Variants in FREM2 observed in about 807,000 individuals in gnomAD.
FREM2 encodes FRAS1 related extracellular matrix 2.
FREM2 carries 119 observed loss-of-function variants against 219.9 expected under a neutral mutation model. That is an observed-to-expected ratio of 0.54 (90% CI 0.47 to 0.63). FREM2 has a LOEUF of 0.63. Ranked by LOEUF, FREM2 falls within the 30% of genes least tolerant of loss-of-function variation. The probability of loss-of-function intolerance (pLI) is 0.00; values close to 1 mark genes in which losing one functional copy is unlikely to be tolerated. For synonymous variants in FREM2, 1,562 were observed against 1,522.8 expected, an observed-to-expected ratio of 1.03 and a Z score of -0.60; for missense variants, 4,030 against 3,993.6, an observed-to-expected ratio of 1.01 and a Z score of -0.25.
At chr13:38,858,608 G>A (rs1877646220) in intron 13 of FREM2, among the ~76,000 whole-genome samples, 1 of 152,134 alleles carries the variant, frequency 6.6e-6, no homozygotes, top group South Asian at 2.1e-4. Context: ...AGCTCCTTGT[G>A]AGCTAAAATT....
intron 2 of FREM2, among the ~76,000 whole-genome samples, chr13:38,734,706 A>G (rs1372227417): frequency 1.3e-5 from 2 of 151,854 alleles, no homozygotes; most frequent in Non-Finnish European, 2.9e-5. Flanking sequence ...TTCCTAAATG[A>G]AAATATTAGT....
chr13:38,841,228 G>A (rs556506950), intron 6 of FREM2, among the ~76,000 whole-genome samples: 1 of 152,334 alleles, frequency 6.6e-6, no homozygotes, highest in Admixed American at 6.5e-5. Context: ...AGTTACCAGT[G>A]TTAAAGACGC....
At chr13:38,878,704 T>C (rs1878438269) in intron 22 of FREM2, 127 bp from the exon 23 acceptor site, 1 of 1,013,952 alleles carries the variant, frequency 9.9e-7, no homozygotes, top group African/African-American at 1.6e-5. Flanking sequence ...AATGATCATT[T>C]TTAGTAAACC....
chr13:38,722,450 C>G (rs540555920), intron 2 of FREM2, among the ~76,000 whole-genome samples: 4 of 151,950 alleles, frequency 2.6e-5, no homozygotes, highest in Admixed American at 6.6e-5. Flanking sequence ...GAGAGTAAAT[C>G]CTTAATCCTG....
At chr13:38,743,246 T>A (rs1416203734) in intron 2 of FREM2, among the ~76,000 whole-genome samples, 1 of 152,132 alleles carries the variant, frequency 6.6e-6, no homozygotes, top group Non-Finnish European at 1.5e-5. Context: ...GTTTTTCTCA[T>A]TCTGTATAGT....
intron 4 of FREM2, among the ~76,000 whole-genome samples, chr13:38,778,808 A>G (rs1873987200): frequency 6.6e-6 from 1 of 152,152 alleles, no homozygotes; most frequent in South Asian, 2.1e-4. Flanking sequence ...AAGTTAACAA[A>G]AACTCTAATA....
intron 13 of FREM2, among the ~76,000 whole-genome samples, chr13:38,858,841 G>C (rs1877654472): frequency 6.6e-6 from 1 of 152,116 alleles, no homozygotes; most frequent in Non-Finnish European, 1.5e-5. Context: ...TCGTGTGTCA[G>C]TGGACTGGAA....
chr13:38,768,411 G>A (rs1873526391), intron 3 of FREM2, among the ~76,000 whole-genome samples: 1 of 152,074 alleles, frequency 6.6e-6, no homozygotes, highest in Admixed American at 6.6e-5. Context: ...CCAGTAGCAA[G>A]GACTACAGGC....
chr13:38,868,639 A>G (rs1428587238), intron 16 of FREM2, among the ~76,000 whole-genome samples: 1 of 152,226 alleles, frequency 6.6e-6, no homozygotes, highest in African/African-American at 2.4e-5. Flanking sequence ...GTGCCAGATA[A>G]CATCCACACC....
intron 6 of FREM2, among the ~76,000 whole-genome samples, chr13:38,814,584 G>A (rs1210935098): frequency 1.3e-5 from 2 of 152,104 alleles, no homozygotes; most frequent in Non-Finnish European, 2.9e-5. Flanking sequence ...ACCACTGTTG[G>A]AACTATGCTG....
At chr13:38,711,113 T>A (rs553408968) in intron 2 of FREM2, among the ~76,000 whole-genome samples, 1 of 152,340 alleles carries the variant, frequency 6.6e-6, no homozygotes, top group South Asian at 2.1e-4. Context: ...ATGTTCTGGA[T>A]GCTGTTGAGA....
At chr13:38,722,898 A>T (rs1461164229) in intron 2 of FREM2, among the ~76,000 whole-genome samples, 2 of 152,136 alleles carry the variant, frequency 1.3e-5, no homozygotes, top group Non-Finnish European at 2.9e-5. Flanking sequence ...GAAAAATTGT[A>T]GGTCAAAGTG....
chr13:38,866,212 C>T (rs574554333), intron 16 of FREM2, among the ~76,000 whole-genome samples: 6 of 152,030 alleles, frequency 3.9e-5, no homozygotes, highest in South Asian at 2.1e-4. Flanking sequence ...TCGTTTCATA[C>T]GCCAGGAGCA....
chr13:38,830,839 C>T lies in FREM2; in HGVS notation c.6020-15734C>T, dbSNP rs1209800785. Among the ~76,000 whole-genome samples, 12 of 152,328 alleles carry T rather than the reference C, an allele frequency of 7.9e-5. No individual in the cohort carries two copies. The East Asian group carries it at 2.1e-3, about 27-fold the overall frequency. ...CTCGGGAACCTCTGCACTACAGCAG[C>T]TGTCACCTGTTACAATCACTCTGCC... On this transcript the variant is annotated intron_variant, in intron 6 of 23. Coordinates refer to ENST00000280481, the MANE Select transcript of FREM2 (RefSeq NM_207361.6).
At chr13:38,854,300 G>T (rs1170067090) in intron 11 of FREM2, among the ~76,000 whole-genome samples, 1 of 151,878 alleles carries the variant, frequency 6.6e-6, no homozygotes, top group Admixed American at 6.5e-5. Flanking sequence ...TAAATTCTAA[G>T]AAATTTGGTT....
At chr13:38,840,643 TA>T (rs1876918269) in intron 6 of FREM2, among the ~76,000 whole-genome samples, 3 of 146,828 alleles carry the variant, frequency 2.0e-5, no homozygotes, top group Non-Finnish European at 4.5e-5. Context: ...TATATATATA[TA>T]TGTGTATGTA....
Position 38,687,415 on chromosome 13 carries a change from C to A in FREM2, c.71C>A (p.Pro24Gln), listed in dbSNP as rs781080448. Residue 24 changes from proline (P) to glutamine (Q), a missense_variant, in exon 1 of 24, where the codon CCG becomes CAG. Physicochemically the swap from Pro to Gln is moderately conservative, Grantham distance 76. Coordinates refer to ENST00000280481, the MANE Select transcript of FREM2 (RefSeq NM_207361.6). ...AACTCCACCAGCTTTCAACCAGGAC[C>A]GCCACCGCCGCCCCGGCTGCTGCTG... is the stretch of plus-strand genomic sequence containing the variant. ...TGNSTSFQPG[P>Q]PPPPRLLLLL... The A allele has an allele frequency of 6.2e-7, 1 of 1,605,060 alleles. No homozygotes were observed. The highest frequency in any genetic ancestry group is 1.1e-5 in the South Asian group (1 of 89,780).
chr13:38,851,105 G>A lies in FREM2; in HGVS notation c.6739G>A (p.Asp2247Asn). ...TCTCATAAGGATCCGAGATGATGCT[G>A]ATAGTAAGAAATCTTTTTTTGTTTG... ...ETLIRIRDDADKTVIKFGETK... is the reference protein window; with the variant it reads ...ETLIRIRDDANKTVIKFGETK... Residue 2247 changes from aspartate (D) to asparagine (N), a missense_variant, in exon 10 of 24, where the codon GAT becomes AAT. By Grantham distance (23) the Asp-to-Asn change is conservative. Around this residue, in one of 2 missense-constraint regions of FREM2, gnomAD observed 3,102 missense variants for 2,950.7 expected, o/e 1.05. Coordinates refer to ENST00000280481, the MANE Select transcript of FREM2 (RefSeq NM_207361.6). 6.2e-7 allele frequency: 1 copy of A among 1,613,386 alleles called. No individual in the cohort carries two copies. The highest frequency in any genetic ancestry group is 8.5e-7 in the Non-Finnish European group (1 of 1,179,874).
chr13:38,872,624 T>A, intron 16 of FREM2, 118 bp from the exon 17 acceptor site: 1 of 821,206 alleles, frequency 1.2e-6, no homozygotes, highest in Admixed American at 2.2e-5. Context: ...TGTCATTTCC[T>A]CTTCTCAATG....
Sources: allele counts gnomAD v4.1 joint callset (sites outside exome capture counted in the v4.1 genomes callset), GRCh38; gene constraint gnomAD v4.1.1; regional missense constraint gnomAD v4.1.1; transcripts MANE v1.5; gene names NCBI Gene and HGNC (gene_info 2026-07-23, HGNC 2026-07-21).